The following MINDY1 variants were observed in gnomAD, a reference collection of about 807,000 sequenced individuals.
The protein encoded by MINDY1 is MINDY lysine 48 deubiquitinase 1, also known as ubiquitin carboxyl-terminal hydrolase MINDY-1.
MINDY1 carries 50 observed loss-of-function variants against 53.6 expected under a neutral mutation model. The ratio of observed to expected loss-of-function variants is 0.93; its 90% CI spans 0.74 to 1.18. The LOEUF (loss-of-function observed/expected upper bound fraction) is 1.18. Among genes scored for constraint, MINDY1 ranks in the 50% most tolerant of loss-of-function variants. The pLI is 0.00. For missense variants in MINDY1, 484 were observed against 578.6 expected, an observed-to-expected ratio of 0.84 and a Z score of 1.68; for synonymous variants, 231 against 234.7, an observed-to-expected ratio of 0.98 and a Z score of 0.14.
chr1:150,999,380 T>A lies in MINDY1; in HGVS notation c.970A>T (p.Thr324Ser), dbSNP rs111942686. 1 of 1,614,090 alleles carries A rather than the reference T, an allele frequency of 6.2e-7. No homozygotes were observed. Among genetic ancestry groups the A allele is most frequent in the Non-Finnish European group, 8.5e-7 (1 of 1,180,006 alleles). Residue 324 changes from threonine to serine, a missense_variant, in exon 7 of 10, where the codon ACT (threonine) becomes TCT (serine). Physicochemically the swap from Thr to Ser is moderately conservative, Grantham distance 58 (BLOSUM62 1). Coordinates refer to ENST00000683666, the MANE Select transcript of MINDY1 (RefSeq NM_001376665.1). This position sits in a 1 kb window ranked among gnomAD's most constrained non-coding sequence, Gnocchi z 4.4. ...CAAACTCGCATTACCTTATGCTTAG[T>A]CATGGTGCTAAAGTGGTTGTTTCGG... ...FFRNNHFSTMTKHKSHLYLLV... is the reference protein window; with the variant it reads ...FFRNNHFSTMSKHKSHLYLLV...
Position 151,005,309 on chromosome 1 carries a change from G to A in MINDY1, c.-90+1003C>T, listed in dbSNP as rs12045253. ...TCTACTAAAAATACAAAAATTAGCC[G>A]GGCACGGTGGCGGGCACCTGTAATC... On this transcript the variant is annotated intron_variant, in intron 1 of 9. Coordinates refer to ENST00000683666, the MANE Select transcript of MINDY1 (RefSeq NM_001376665.1). 7.2e-5 allele frequency among the ~76,000 whole-genome samples: 11 copies of A among 152,000 alleles called. No homozygotes were observed. The East Asian group carries it at 9.7e-4, about 13-fold the overall frequency.
chr1:151,000,622 G>A lies in MINDY1; in HGVS notation c.577-7C>T. 2 of 1,594,488 alleles carry A rather than the reference G, an allele frequency of 1.3e-6. No individual in the cohort carries two copies. The highest frequency in any genetic ancestry group is 1.7e-6 in the Non-Finnish European group (2 of 1,172,450). On this transcript the variant is annotated splice_polypyrimidine_tract_variant and splice_region_variant and intron_variant, in intron 4 of 9. Coordinates refer to ENST00000683666, the MANE Select transcript of MINDY1 (RefSeq NM_001376665.1). ...TCATTGCATCATCCACATTCTGGGG[G>A]TAGAAAAAAAAATGATGGAGATTCT... is the stretch of plus-strand genomic sequence containing the variant.
At chr1:151,007,032 G>T, upstream of MINDY1, 1 of 276,906 alleles carries the variant, frequency 3.6e-6, no homozygotes, top group Non-Finnish European at 5.5e-6. Flanking sequence ...AGAAGCAGGA[G>T]CAAAGAGCAC....
chr1:151,006,292 G>A lies in MINDY1; in HGVS notation c.-90+20C>T. 7.0e-7 allele frequency: 1 copy of A among 1,422,148 alleles called. No homozygotes were observed. Among genetic ancestry groups the A allele is most frequent in the South Asian group, 1.5e-5 (1 of 64,720 alleles). The allele number at this position is 1,422,148 out of a possible 1,614,324, so 88.1% of individuals were successfully genotyped here. On this transcript the variant is annotated intron_variant, in intron 1 of 9. Transcript: ENST00000683666. ...GGGTGGGAGAAGAGGTGAAGAAGAT[G>A]ATTAAAATAAAGTTTTTACCTTAAA... is the stretch of plus-strand genomic sequence containing the variant.
intron 8 of MINDY1, 111 bp downstream of exon 8, chr1:150,997,971 C>T: frequency 7.8e-7 from 1 of 1,288,182 alleles, no homozygotes. Flanking sequence ...TCTGAGGTAA[C>T]CCAGAGAGAG....
At chr1:150,998,386 G>T (rs145714012) in intron 7 of MINDY1, 113 bp from the exon 8 acceptor site, 17,854 of 965,964 alleles carry the variant, frequency 0.018, 227 homozygotes, top group Non-Finnish European at 0.023. Context: ...ATGGAGTCTC[G>T]CTCTGTCATC....
chr1:151,006,352 T>C lies in MINDY1; in HGVS notation c.-130A>G. ...GCTGTTCCAAGATTGAGAAGGAGGG[T>C]TCAGCCGTGGCAATGAGATGGGGGA... On this transcript the variant is annotated 5_prime_UTR_variant, in exon 1 of 10. Transcript: ENST00000683666. 2 of 1,400,018 alleles carry C rather than the reference T, an allele frequency of 1.4e-6. No individual in the cohort carries two copies. The highest frequency in any genetic ancestry group is 1.6e-5 in the South Asian group (1 of 63,918). The allele number at this position is 1,400,018 out of a possible 1,614,324, so 86.7% of individuals were successfully genotyped here.
rs1039289183 is a variant in MINDY1 at position 150,999,788 on chromosome 1, C to T, written c.838+74G>A. 1.5e-6 allele frequency: 2 copies of T among 1,322,152 alleles called. No individual in the cohort carries two copies. The highest frequency in any genetic ancestry group is 1.4e-5 in the African/African-American group (1 of 69,154). The allele number at this position is 1,322,152 out of a possible 1,614,324, so 81.9% of individuals were successfully genotyped here. A position where few individuals can be genotyped will look rare whatever the true frequency, so the allele number is the denominator to read the frequency against. On this transcript the variant is annotated intron_variant, in intron 6 of 9. Transcript: ENST00000683666. The surrounding 1 kb of genome is among the most constrained non-coding windows in gnomAD (Gnocchi z 4.4). ...TCTAGTGGGATGTGGTAGGAGATGA[C>T]ACCCAATAAAAAATAAGCCTAAGTA...
In MINDY1 at chr1:151,005,908, C is replaced by T. The variant is rs184843083; in HGVS notation, c.-90+404G>A. 3.9e-4 allele frequency among the ~76,000 whole-genome samples: 60 copies of T among 152,232 alleles called. No individual in the cohort carries two copies. The East Asian group carries it at 8.9e-3, about 23-fold the overall frequency. On this transcript the variant is annotated intron_variant, in intron 1 of 9. Coordinates refer to ENST00000683666, the MANE Select transcript of MINDY1 (RefSeq NM_001376665.1). ...CTCCCTAATCAATGGCAGTAGAGAG[C>T]CGAAAGTTGGAAGAAGCACGTAAAA...
intron 8 of MINDY1, 109 bp downstream of exon 8, chr1:150,997,973 C>A: frequency 7.7e-7 from 1 of 1,301,494 alleles, no homozygotes; most frequent in Admixed American, 2.4e-5. Context: ...TGAGGTAACC[C>A]AGAGAGAGAG....
At chr1:151,008,308 C>T, upstream of MINDY1, 1 of 1,296,060 alleles carries the variant, frequency 7.7e-7, no homozygotes, top group Non-Finnish European at 9.9e-7. Flanking sequence ...TTGCTAGGGA[C>T]ATTGCGGAGT....
chr1:151,001,893 G>C (rs1010904649), intron 2 of MINDY1, 111 bp from the exon 3 acceptor site: 7 of 1,192,498 alleles, frequency 5.9e-6, no homozygotes, highest in Non-Finnish European at 8.1e-6. Flanking sequence ...TAGGAAAAAA[G>C]GCTTGCAACT....
chr1:150,999,819 C>T lies in MINDY1; in HGVS notation c.838+43G>A. On this transcript the variant is annotated intron_variant, in intron 6 of 9. Coordinates refer to ENST00000683666, the MANE Select transcript of MINDY1 (RefSeq NM_001376665.1). The surrounding 1 kb of genome is among the most constrained non-coding windows in gnomAD (Gnocchi z 4.4). The stretch of plus-strand genomic sequence containing the variant: ...ATAAAAAATAAGCCTAAGTAGCTGT[C>T]ATTCCCTCCACATACTATCCATGAG... 1.3e-6 allele frequency: 2 copies of T among 1,542,592 alleles called. No individual in the cohort carries two copies. Among genetic ancestry groups the T allele is most frequent in the Non-Finnish European group, 1.8e-6 (2 of 1,116,658 alleles).
intron 3 of MINDY1, among the ~76,000 whole-genome samples, chr1:151,001,522 A>G (rs997133018): frequency 1.3e-5 from 2 of 152,226 alleles, no homozygotes; most frequent in Non-Finnish European, 2.9e-5. Flanking sequence ...TACAAAAGCT[A>G]AGGGCAGAAT....
intron 1 of MINDY1, among the ~76,000 whole-genome samples, chr1:151,004,248 C>T (rs1380463413): frequency 6.6e-6 from 1 of 151,916 alleles, no homozygotes; most frequent in East Asian, 1.9e-4. Flanking sequence ...TAGATGTGAA[C>T]ACCGGACCTG....
chr1:150,997,606 GCC>G lies in MINDY1; in HGVS notation c.1329+16_1329+17del. Reference sequence around the variant, plus strand: ...TGAGGTGGAAACCGGGAGTGTGGGCGCCCAGGCAGCAGCCCACCTGCAGTGAC... The same window carrying G: ...TGAGGTGGAAACCGGGAGTGTGGGCGCAGGCAGCAGCCCACCTGCAGTGAC... On this transcript the variant is annotated intron_variant, in intron 9 of 9. Transcript: ENST00000683666. The G allele has an allele frequency of 6.2e-7, 1 of 1,604,868 alleles. No individual in the cohort carries two copies. Among genetic ancestry groups the G allele is most frequent in the Non-Finnish European group, 8.5e-7 (1 of 1,179,940 alleles).
Position 150,998,133 on chromosome 1 carries a change from A to G in MINDY1, c.1122T>C (p.Pro374=), listed in dbSNP as rs370261972. Residue 374 remains proline (P), a synonymous_variant, in exon 8 of 10, where the codon CCT becomes CCC. Coordinates refer to ENST00000683666, the MANE Select transcript of MINDY1 (RefSeq NM_001376665.1). ...FHLSHSLGKG[P]GAEGGSGSPE... ...GGGAGCCACTCCCACCTTCTGCTCC[A>G]GGCCCCTTGCCCAGGGAATGACTCA... is the stretch of plus-strand genomic sequence containing the variant. 2 of 1,613,916 alleles carry G rather than the reference A, an allele frequency of 1.2e-6. No homozygotes were observed. The highest frequency in any genetic ancestry group is 1.7e-6 in the Non-Finnish European group (2 of 1,180,036).
chr1:150,998,110 G>T lies in MINDY1; in HGVS notation c.1145C>A (p.Ser382Tyr), dbSNP rs758782442. 1.9e-6 allele frequency: 3 copies of T among 1,612,868 alleles called. No individual in the cohort carries two copies. Among genetic ancestry groups the T allele is most frequent in the East Asian group, 4.5e-5 (2 of 44,898 alleles). Residue 382 changes from serine (S) to tyrosine (Y), a missense_variant, in exon 8 of 10, where the codon TCC (serine) becomes TAC (tyrosine). Coordinates refer to ENST00000683666, the MANE Select transcript of MINDY1 (RefSeq NM_001376665.1). ...GTCTACCTGCAGCTGCGTTTCTGGG[G>T]AGCCACTCCCACCTTCTGCTCCAGG... is the stretch of plus-strand genomic sequence containing the variant. ...KGPGAEGGSGSPETQLQVDQD... is the reference protein window; with the variant it reads ...KGPGAEGGSGYPETQLQVDQD...
chr1:151,006,240 C>T, intron 1 of MINDY1, 72 bp downstream of exon 1: 1 of 1,512,886 alleles, frequency 6.6e-7, no homozygotes, highest in Non-Finnish European at 8.9e-7. Context: ...GGTGTCAGCT[C>T]CCCAAAGCTG....
Sources: allele counts gnomAD v4.1 joint callset (sites outside exome capture counted in the v4.1 genomes callset), GRCh38; gene constraint gnomAD v4.1.1; non-coding constraint Gnocchi (gnomAD v3.1); transcripts MANE v1.5; gene names NCBI Gene and HGNC (gene_info 2026-07-23, HGNC 2026-07-21).